TAFA1: variants seen among roughly 807,000 people sequenced by gnomAD.
TAFA1 encodes the protein chemokine-like protein TAFA-1.
TAFA1 carries 4 observed loss-of-function variants against 18.5 expected under a neutral mutation model. The ratio of observed to expected loss-of-function variants is 0.22; its 90% CI spans 0.11 to 0.49. The LOEUF is 0.49. Ranked by LOEUF, TAFA1 falls within the 20% of genes least tolerant of loss-of-function variation. TAFA1 has a pLI of 0.98. For synonymous variants in TAFA1, 56 were observed against 55.2 expected (o/e 1.01, Z -0.06); for missense variants, 147 against 169.0 (o/e 0.87, Z 0.72).
At chr3:68,452,988 A>T (rs2071592264) in intron 3 of TAFA1, among the ~76,000 whole-genome samples, 1 of 152,180 alleles carries the variant, frequency 6.6e-6, no homozygotes, top group Non-Finnish European at 1.5e-5. Context: ...CGCCTCTTTG[A>T]ATGATAATAT....
intron 2 of TAFA1, among the ~76,000 whole-genome samples, chr3:68,076,370 A>T (rs1369981154): frequency 6.6e-6 from 1 of 151,626 alleles, no homozygotes; most frequent in Admixed American, 6.6e-5. Flanking sequence ...GGTTAGTTAC[A>T]TATGTATACA....
chr3:68,006,483 A>G lies in TAFA1; in HGVS notation c.-3-141A>G, dbSNP rs1217478390. On this transcript the variant is annotated intron_variant, in intron 1 of 4. Coordinates refer to ENST00000478136, the MANE Select transcript of TAFA1 (RefSeq NM_213609.4). ...TCTCTCAATCCCACTTCATGGCATG[A>G]CCTCTGCTGGATCATTAGTTCTAGC... The G allele has an allele frequency of 6.4e-6, 4 of 629,232 alleles. No individual in the cohort carries two copies. In the Admixed American group the frequency reaches 7.5e-5, roughly 12 times the overall value. 39.0% of individuals were successfully genotyped at this position (629,232 alleles called of 1,614,324 possible).
At chr3:68,060,916 C>T (rs1405409722) in intron 2 of TAFA1, among the ~76,000 whole-genome samples, 1 of 152,130 alleles carries the variant, frequency 6.6e-6, no homozygotes, top group African/African-American at 2.4e-5. Context: ...CCATCACAAA[C>T]CAGCTTGTCA....
chr3:68,392,246 A>G (rs2070274924), intron 2 of TAFA1, among the ~76,000 whole-genome samples: 1 of 152,054 alleles, frequency 6.6e-6, no homozygotes, highest in Non-Finnish European at 1.5e-5. Flanking sequence ...CAACCAACAA[A>G]GATCAAAAAA....
chr3:68,256,274 C>T (rs898525459), intron 2 of TAFA1, among the ~76,000 whole-genome samples: 8 of 152,080 alleles, frequency 5.3e-5, no homozygotes, highest in Non-Finnish European at 1.0e-4. Context: ...CTCAAAAAGT[C>T]TTCCTTTAGC....
intron 3 of TAFA1, among the ~76,000 whole-genome samples, chr3:68,497,773 C>T (rs957755026): frequency 6.6e-6 from 1 of 152,124 alleles, no homozygotes; most frequent in African/African-American, 2.4e-5. Context: ...ATGACACAGG[C>T]AGAATGGTTT....
At chr3:68,086,418 C>T (rs1016255597) in intron 2 of TAFA1, among the ~76,000 whole-genome samples, 1 of 152,190 alleles carries the variant, frequency 6.6e-6, no homozygotes, top group African/African-American at 2.4e-5. Flanking sequence ...CCTCTGATTT[C>T]AGCAGCATGT....
chr3:68,479,757 G>A (rs1232259988), intron 3 of TAFA1, among the ~76,000 whole-genome samples: 1 of 152,074 alleles, frequency 6.6e-6, no homozygotes, highest in Non-Finnish European at 1.5e-5. Flanking sequence ...TCAAATCATA[G>A]GGACTAAGAA....
chr3:68,361,077 C>T (rs992311368), intron 2 of TAFA1, among the ~76,000 whole-genome samples: 3 of 151,772 alleles, frequency 2.0e-5, no homozygotes, highest in Non-Finnish European at 2.9e-5. Flanking sequence ...CACTGGCCTT[C>T]AAGTATTAAA....
intron 2 of TAFA1, among the ~76,000 whole-genome samples, chr3:68,373,486 A>C (rs1007789406): frequency 6.6e-6 from 1 of 152,060 alleles, no homozygotes; most frequent in Non-Finnish European, 1.5e-5. Flanking sequence ...AGGGAGAGGG[A>C]CTCAAGTTGT....
chr3:68,334,086 G>A (rs1449510113), intron 2 of TAFA1, among the ~76,000 whole-genome samples: 1 of 152,156 alleles, frequency 6.6e-6, no homozygotes, highest in Non-Finnish European at 1.5e-5. Context: ...TGTGCAACAT[G>A]GAAACTATAG....
intron 3 of TAFA1, among the ~76,000 whole-genome samples, chr3:68,496,476 G>C (rs907193606): frequency 6.6e-6 from 1 of 152,116 alleles, no homozygotes; most frequent in Non-Finnish European, 1.5e-5. Flanking sequence ...GAGATGTTAC[G>C]TGTAGGTTCT....
At position 68,064,771 on chromosome 3, in the gene TAFA1, T is replaced by C. The variant is rs534916314; in HGVS notation, c.118+58027T>C. ...AAGTATCCTATTGTGGTTTATGCCA[T>C]TGTATAATATTAATGATAAAGTTGT... On this transcript the variant is annotated intron_variant, in intron 2 of 4. Transcript: ENST00000478136. Among the ~76,000 whole-genome samples the C allele has an allele frequency of 9.9e-5, 15 of 152,012 alleles. 1 individual carries two copies. Among genetic ancestry groups the C allele is most frequent in the African/African-American group, 2.9e-4 (12 of 41,492 alleles).
chr3:68,486,316 G>A (rs1442527360), intron 3 of TAFA1, among the ~76,000 whole-genome samples: 1 of 151,862 alleles, frequency 6.6e-6, no homozygotes, highest in East Asian at 1.9e-4. Flanking sequence ...TTAAAAAAAA[G>A]CCATATACAG....
chr3:68,515,296 G>A (rs181299509), intron 3 of TAFA1, among the ~76,000 whole-genome samples: 1 of 152,150 alleles, frequency 6.6e-6, no homozygotes, highest in South Asian at 2.1e-4. Flanking sequence ...ACATTCATTT[G>A]TTCAAGCAAG....
At chr3:68,084,388 C>T (rs2064944805) in intron 2 of TAFA1, among the ~76,000 whole-genome samples, 1 of 152,128 alleles carries the variant, frequency 6.6e-6, no homozygotes, top group African/African-American at 2.4e-5. Context: ...TTTTGTGCTG[C>T]TGTGCCTTTC....
At chr3:68,260,815 T>C (rs1008125281) in intron 2 of TAFA1, among the ~76,000 whole-genome samples, 4 of 151,850 alleles carry the variant, frequency 2.6e-5, no homozygotes, top group African/African-American at 7.3e-5. Context: ...ACCATAAAAA[T>C]CCTAGAAGAA....
At chr3:68,122,845 A>G (rs1438805034) in intron 2 of TAFA1, among the ~76,000 whole-genome samples, 2 of 150,456 alleles carry the variant, frequency 1.3e-5, no homozygotes, top group Non-Finnish European at 3.0e-5. Context: ...TGTGTGTATT[A>G]TACACTAGAT....
At chr3:68,187,282 G>A (rs990043614) in intron 2 of TAFA1, among the ~76,000 whole-genome samples, 5 of 151,916 alleles carry the variant, frequency 3.3e-5, no homozygotes, top group African/African-American at 1.2e-4. Flanking sequence ...CAAATATAAT[G>A]TATTACTTAA....
Sources: gnomAD v4.1 joint callset for allele counts (sites outside exome capture counted in the v4.1 genomes callset) on GRCh38, gnomAD v4.1.1 for gene constraint, MANE v1.5 for transcripts, NCBI Gene and HGNC (gene_info 2026-07-23, HGNC 2026-07-21) for gene names.